Variants in SUV39H2 observed in about 807,000 individuals in gnomAD.
SUV39H2 encodes the protein SUV39H2 histone lysine methyltransferase, also known as histone-lysine N-methyltransferase SUV39H2.
Under a neutral mutation model 47.5 loss-of-function variants are expected in SUV39H2, and 10 were observed. The observed-to-expected ratio is 0.21, with a 90% confidence interval of 0.13 to 0.36. The LOEUF is 0.36. Ranked by LOEUF, SUV39H2 falls within the 10% of genes least tolerant of loss-of-function variation. The pLI is 1.00. For missense variants in SUV39H2, 266 were observed against 487.4 expected (o/e 0.55, Z 4.28); for synonymous variants, 159 against 166.8 (o/e 0.95, Z 0.36).
rs78404619 is a variant in SUV39H2 at position 14,899,328 on chromosome 10, A to C, written c.850-211A>C. 4.6e-5 allele frequency: 32 copies of C among 688,770 alleles called. No homozygotes were observed. The Admixed American group carries it at 5.6e-4, about 12-fold the overall frequency. 42.7% of individuals were successfully genotyped at this position (688,770 alleles called of 1,614,324 possible). ...GAGTGAGACCCTGTTTAAAAAAAAAAGGTCATCAGTCTTTTGCATTATCAT... is the reference window on the plus strand; with the variant it reads ...GAGTGAGACCCTGTTTAAAAAAAAACGGTCATCAGTCTTTTGCATTATCAT... On this transcript the variant is annotated intron_variant, in intron 3 of 5. Transcript: ENST00000354919.
At chr10:14,894,222 G>GCT (rs1312570208) in intron 2 of SUV39H2, among the ~76,000 whole-genome samples, 1 of 147,186 alleles carries the variant, frequency 6.8e-6, no homozygotes, top group African/African-American at 2.5e-5. Context: ...GTACATCTAG[G>GCT]CTTTTTTTTT....
At chr10:14,900,249 C>G (rs1833905752) in intron 4 of SUV39H2, among the ~76,000 whole-genome samples, 2 of 152,150 alleles carry the variant, frequency 1.3e-5, no homozygotes, top group South Asian at 4.1e-4. Context: ...ATTCTGGACT[C>G]TAAATAATTT....
At chr10:14,886,452 T>G (rs72772437) in intron 2 of SUV39H2, among the ~76,000 whole-genome samples, 6,832 of 152,294 alleles carry the variant, frequency 0.045, 191 homozygotes, top group Admixed American at 0.071. Flanking sequence ...TGCCAAATCA[T>G]CCACCATTTG....
chr10:14,893,193 C>T lies in SUV39H2; in HGVS notation c.178-3653C>T, dbSNP rs554840311. On this transcript the variant is annotated intron_variant, in intron 2 of 5. Coordinates refer to ENST00000354919, the MANE Select transcript of SUV39H2 (RefSeq NM_001193424.2). The stretch of plus-strand genomic sequence containing the variant: ...TAATTTTTTGTATTTTTAGTAGAGA[C>T]GGGGTTTCACCGTGTTAGCCAGGAT... Among the ~76,000 whole-genome samples the T allele has an allele frequency of 4.1e-3, 613 of 151,100 alleles. 8 individuals carry two copies. Among genetic ancestry groups the T allele is most frequent in the Middle Eastern group, 6.8e-3 (2 of 294 alleles).
At chr10:14,895,344 T>A in intron 2 of SUV39H2, among the ~76,000 whole-genome samples, 1 of 152,150 alleles carries the variant, frequency 6.6e-6, no homozygotes, top group South Asian at 2.1e-4. Context: ...ACCCGGCTAA[T>A]TTTTTGTATT....
At chr10:14,890,654 T>C (rs1434126046) in intron 2 of SUV39H2, among the ~76,000 whole-genome samples, 1 of 152,248 alleles carries the variant, frequency 6.6e-6, no homozygotes, top group Non-Finnish European at 1.5e-5. Context: ...AGTGAGCCAC[T>C]GTGCCCAGCC....
chr10:14,878,987 G>C (rs1832955553), intron 1 of SUV39H2, 68 bp downstream of exon 1: 2 of 1,344,134 alleles, frequency 1.5e-6, no homozygotes, highest in Admixed American at 8.1e-5. Context: ...CGGGCGGCGG[G>C]GCCGTCCCGC....
chr10:14,901,848 T>A (rs1426698491), intron 5 of SUV39H2, among the ~76,000 whole-genome samples: 1 of 152,242 alleles, frequency 6.6e-6, no homozygotes, highest in East Asian at 1.9e-4. Flanking sequence ...ACTATAAGCC[T>A]ACATTTTTGA....
At chr10:14,892,333 TA>T (rs1158200133) in intron 2 of SUV39H2, among the ~76,000 whole-genome samples, 1 of 152,238 alleles carries the variant, frequency 6.6e-6, no homozygotes, top group Non-Finnish European at 1.5e-5. Context: ...CGGCCTACAA[TA>T]AAGTTCAAGT....
chr10:14,894,350 G>A (rs1387525475), intron 2 of SUV39H2, among the ~76,000 whole-genome samples: 4 of 123,600 alleles, frequency 3.2e-5, no homozygotes, highest in Admixed American at 1.7e-4. Flanking sequence ...TCAAAAGAAA[G>A]CAAAGTTTTT....
intron 3 of SUV39H2, chr10:14,898,965 A>G (rs1235536511): frequency 2.2e-6 from 1 of 464,194 alleles, no homozygotes; most frequent in Non-Finnish European, 3.8e-6. Flanking sequence ...CTATAGTTGT[A>G]TAGCTTTTTG....
intron 2 of SUV39H2, among the ~76,000 whole-genome samples, chr10:14,888,272 A>G (rs1480373587): frequency 2.6e-5 from 4 of 152,238 alleles, no homozygotes; most frequent in African/African-American, 9.6e-5. Context: ...AGCCCTGAGG[A>G]GTAGGTGGGG....
Position 14,894,477 on chromosome 10 carries a change from C to T in SUV39H2, c.178-2369C>T, listed in dbSNP as rs563563182. Among the ~76,000 whole-genome samples, 7 of 108,036 alleles carry T rather than the reference C, an allele frequency of 6.5e-5. 1 individual carries two copies. Among genetic ancestry groups the T allele is most frequent in the African/African-American group, 2.1e-4 (4 of 18,664 alleles). 70.9% of individuals were successfully genotyped at this position (108,036 alleles called of 152,430 possible). A position where few individuals can be genotyped will look rare whatever the true frequency, so the allele number is the denominator to read the frequency against. On this transcript the variant is annotated intron_variant, in intron 2 of 5. Transcript: ENST00000354919. ...CCGCCTCCCGGGTTCACGCCATTCT[C>T]CTGCCTCAGCCTCCCGTGTAGCTGG...
intron 2 of SUV39H2, among the ~76,000 whole-genome samples, chr10:14,883,447 G>T (rs1359197005): frequency 6.6e-6 from 1 of 151,884 alleles, no homozygotes; most frequent in Non-Finnish European, 1.5e-5. Flanking sequence ...GCTCACGCCT[G>T]TAATCCTAGC....
At position 14,890,302 on chromosome 10, in the gene SUV39H2, C is replaced by T. The variant is rs181915522; in HGVS notation, c.178-6544C>T. Among the ~76,000 whole-genome samples the T allele has an allele frequency of 3.0e-4, 45 of 152,326 alleles. No homozygotes were observed. In the East Asian group the frequency reaches 7.9e-3, roughly 27 times the overall value. ...TAACCCAGCTATCACAATTCCTACT[C>T]TTACTGGCATGAAAATTCAGTGATT... On this transcript the variant is annotated intron_variant, in intron 2 of 5. Transcript: ENST00000354919.
In SUV39H2 at chr10:14,902,528, A is replaced by G. The variant is rs767388338; in HGVS notation, c.*16A>G. On this transcript the variant is annotated 3_prime_UTR_variant, in exon 6 of 6. Coordinates refer to ENST00000354919, the MANE Select transcript of SUV39H2 (RefSeq NM_001193424.2). ...CCTCAACTGAACTTTTTCAGGAAAT[A>G]GAGCTGATGATTATAATATTTTTTT... The G allele has an allele frequency of 9.6e-6, 14 of 1,454,942 alleles. No homozygotes were observed. In the South Asian group the frequency reaches 1.7e-4, roughly 17 times the overall value. The allele number at this position is 1,454,942 out of a possible 1,614,324, so 90.1% of individuals were successfully genotyped here.
At position 14,897,330 on chromosome 10, in the gene SUV39H2, C is replaced by T. The variant is rs1833661735; in HGVS notation, c.662C>T (p.Pro221Leu). The T allele has an allele frequency of 6.2e-7, 1 of 1,613,042 alleles. No homozygotes were observed. The highest frequency in any genetic ancestry group is 8.5e-7 in the Non-Finnish European group (1 of 1,179,856). The change falls in exon 3 of 6, where the codon CCA (proline) becomes CTA (leucine). Residue 221 changes from proline to leucine, a missense_variant. This residue lies in a region of SUV39H2 where 112 missense variants were observed against 271.9 expected (regional missense o/e 0.41). Transcript: ENST00000354919. ...AATAAAAACCAACAAATTAAAATCC[C>T]ACCTGGTACTCCCATCTATGAATGC... ...AYNKNQQIKI[P>L]PGTPIYECNS... is the part of the protein sequence containing the mutation.
rs117541758 is a variant in SUV39H2 at position 14,897,602 on chromosome 10, A to G, written c.849+85A>G. The G allele has an allele frequency of 8.8e-3, 10,060 of 1,145,036 alleles. 57 individuals carry two copies. The highest frequency in any genetic ancestry group is 0.011 in the Non-Finnish European group (9,413 of 865,116). 70.9% of individuals were successfully genotyped at this position (1,145,036 alleles called of 1,614,324 possible). ...TTACCTTTTTATCTCTTTAAGAGAT[A>G]CTTGGTACATTTTGATATTTTCATT... On this transcript the variant is annotated intron_variant, in intron 3 of 5. Transcript: ENST00000354919.
At chr10:14,890,237 A>G (rs189570436) in intron 2 of SUV39H2, among the ~76,000 whole-genome samples, 3 of 152,314 alleles carry the variant, frequency 2.0e-5, no homozygotes, top group Non-Finnish European at 2.9e-5. Flanking sequence ...TACTTTAACA[A>G]TCAATGTCAT....
Sources: allele counts gnomAD v4.1 joint callset (sites outside exome capture counted in the v4.1 genomes callset), GRCh38; gene constraint gnomAD v4.1.1; regional missense constraint gnomAD v4.1.1; transcripts MANE v1.5; gene names NCBI Gene and HGNC (gene_info 2026-07-23, HGNC 2026-07-21).